The following FOXK2 variants were observed in gnomAD, a reference collection of about 807,000 sequenced individuals.
The protein encoded by FOXK2 is forkhead box K2, also known as forkhead box protein K2.
FOXK2 carries 24 observed loss-of-function variants against 53.3 expected under a neutral mutation model. The ratio of observed to expected loss-of-function variants is 0.45; its 90% CI spans 0.33 to 0.63. The LOEUF (loss-of-function observed/expected upper bound fraction) is 0.63, where lower values mean the gene tolerates loss of function less well. FOXK2 is among the 30% of genes least tolerant of loss of function. The pLI, the probability that FOXK2 is intolerant of heterozygous loss-of-function variation, is 0.03. For synonymous variants in FOXK2, 505 were observed against 407.1 expected (o/e 1.24, Z -2.89); for missense variants, 952 against 910.5 (o/e 1.05, Z -0.59).
rs1443122666 is a variant in FOXK2 at position 82,571,752 on chromosome 17, C to T, written c.791C>T (p.Ala264Val). 4 of 1,585,576 alleles carry T rather than the reference C, an allele frequency of 2.5e-6. No individual in the cohort carries two copies. Among genetic ancestry groups the T allele is most frequent in the Non-Finnish European group, 3.4e-6 (4 of 1,169,496 alleles). ...GATTCAAAGCCGCCTTACTCCTACGCGCAGCTGATAGTTCAGGCGATTACG... is the reference window on the plus strand; with the variant it reads ...GATTCAAAGCCGCCTTACTCCTACGTGCAGCTGATAGTTCAGGCGATTACG... ...KDDSKPPYSY[A>V]QLIVQAITMA... The change falls in exon 4 of 9, where the codon GCG becomes GTG. Residue 264 changes from alanine to valine, a missense_variant. By Grantham distance (64) the Ala-to-Val change is moderately conservative. Coordinates refer to ENST00000335255, the MANE Select transcript of FOXK2 (RefSeq NM_004514.4).
At position 82,586,354 on chromosome 17, in the gene FOXK2, G is replaced by A. The variant is rs868391096; in HGVS notation, c.1576+154G>A. On this transcript the variant is annotated intron_variant, in intron 7 of 8. Coordinates refer to ENST00000335255, the MANE Select transcript of FOXK2 (RefSeq NM_004514.4). Reference sequence around the variant, plus strand: ...GACCACAGGGAGGTCAAAGGTAGGCGGAGGGGAAAGGAGGAGAGGGGAGAC... The same window carrying A: ...GACCACAGGGAGGTCAAAGGTAGGCAGAGGGGAAAGGAGGAGAGGGGAGAC... Among the ~76,000 whole-genome samples, 225 of 38,836 alleles carry A rather than the reference G, an allele frequency of 5.8e-3. 9 individuals carry two copies. Among genetic ancestry groups the A allele is most frequent in the Middle Eastern group, 0.033 (1 of 30 alleles). The allele number at this position is 38,836 out of a possible 152,430, so 25.5% of individuals were successfully genotyped here. A position where few individuals can be genotyped will look rare whatever the true frequency, so the allele number is the denominator to read the frequency against.
chr17:82,536,623 T>C (rs2044523225), intron 1 of FOXK2, among the ~76,000 whole-genome samples: 1 of 152,218 alleles, frequency 6.6e-6, no homozygotes, highest in African/African-American at 2.4e-5. Context: ...GCCTGAGCCC[T>C]CCTTGAACTC....
At chr17:82,556,794 T>G (rs544204745) in intron 1 of FOXK2, among the ~76,000 whole-genome samples, 2 of 152,128 alleles carry the variant, frequency 1.3e-5, no homozygotes, top group African/African-American at 4.8e-5. Context: ...CCTCCTGGGT[T>G]CAAGCGATTC....
At chr17:82,556,265 GA>G (rs1192302719) in intron 1 of FOXK2, among the ~76,000 whole-genome samples, 2 of 152,004 alleles carry the variant, frequency 1.3e-5, no homozygotes, top group African/African-American at 4.8e-5. Flanking sequence ...ACAACATGGT[GA>G]AACCCCATCT....
At chr17:82,555,517 C>T (rs537831716) in intron 1 of FOXK2, among the ~76,000 whole-genome samples, 11 of 152,038 alleles carry the variant, frequency 7.2e-5, no homozygotes, top group Non-Finnish European at 1.5e-4. Flanking sequence ...TATCTTGTTT[C>T]GAATGTAACC....
At chr17:82,559,269 G>C (rs1342360793) in intron 1 of FOXK2, 2 of 430,608 alleles carry the variant, frequency 4.6e-6, no homozygotes, top group Non-Finnish European at 9.5e-6. Context: ...CTGAGCTTCA[G>C]TCTGAGGTTG....
chr17:82,539,545 A>G (rs1159525020), intron 1 of FOXK2, among the ~76,000 whole-genome samples: 1 of 152,120 alleles, frequency 6.6e-6, no homozygotes, highest in East Asian at 1.9e-4. Flanking sequence ...GCTACTTTGG[A>G]GGCTGAGGTG....
At chr17:82,549,873 C>G (rs1427509802) in intron 1 of FOXK2, among the ~76,000 whole-genome samples, 1 of 152,116 alleles carries the variant, frequency 6.6e-6, no homozygotes, top group African/African-American at 2.4e-5. Context: ...CATGTGGGGT[C>G]CAGTGCAGAA....
intron 8 of FOXK2, among the ~76,000 whole-genome samples, chr17:82,587,854 G>T (rs763543026): frequency 4.1e-4 from 63 of 152,344 alleles, no homozygotes; most frequent in Admixed American, 1.2e-3. Context: ...ATTGGGGCCT[G>T]GCTCAGGTGT....
chr17:82,586,922 T>G (rs2045183595), intron 7 of FOXK2, 141 bp from the exon 8 acceptor site: 1 of 783,074 alleles, frequency 1.3e-6, no homozygotes, highest in Non-Finnish European at 2.1e-6. Context: ...AAAGATTTGC[T>G]CATCTTTTTC....
intron 1 of FOXK2, among the ~76,000 whole-genome samples, chr17:82,550,675 G>C (rs943256646): frequency 2.0e-5 from 3 of 151,644 alleles, no homozygotes; most frequent in Non-Finnish European, 4.4e-5. Flanking sequence ...GCTAATTTTT[G>C]TTGTATTTTT....
intron 8 of FOXK2, among the ~76,000 whole-genome samples, chr17:82,592,620 C>T (rs143409468): frequency 3.6e-4 from 55 of 152,366 alleles, no homozygotes; most frequent in African/African-American, 1.2e-3. Flanking sequence ...CTGCCTTGAT[C>T]GTTTGCTCCC....
At chr17:82,570,451 C>A (rs998379362) in intron 3 of FOXK2, among the ~76,000 whole-genome samples, 2 of 152,160 alleles carry the variant, frequency 1.3e-5, no homozygotes, top group African/African-American at 4.8e-5. Flanking sequence ...CGTGATCACA[C>A]CACTGCACTC....
chr17:82,580,481 C>T (rs79121274), intron 4 of FOXK2, among the ~76,000 whole-genome samples: 1 of 45,608 alleles, frequency 2.2e-5, no homozygotes, highest in Non-Finnish European at 4.3e-5. Context: ...GCCCAGATCC[C>T]TCCCACACAT....
intron 6 of FOXK2, among the ~76,000 whole-genome samples, chr17:82,584,862 A>G (rs2045114541): frequency 1.3e-5 from 2 of 152,170 alleles, no homozygotes; most frequent in Non-Finnish European, 2.9e-5. Flanking sequence ...TAACATGTCC[A>G]TTTTAAGGAA....
At chr17:82,583,551 A>G (rs933287930) in intron 5 of FOXK2, among the ~76,000 whole-genome samples, 4 of 152,280 alleles carry the variant, frequency 2.6e-5, no homozygotes, top group Non-Finnish European at 4.4e-5. Flanking sequence ...CCGTCTCAAA[A>G]CAAAAATACA....
chr17:82,602,881 A>G lies in FOXK2; in HGVS notation c.*1382A>G, dbSNP rs964776714. 2.6e-5 allele frequency: 4 copies of G among 152,446 alleles called. No homozygotes were observed. Among genetic ancestry groups the G allele is most frequent in the Non-Finnish European group, 4.4e-5 (3 of 68,052 alleles). The allele number at this position is 152,446 out of a possible 1,614,324, so 9.4% of individuals were successfully genotyped here. ...TGAGCTTTTAAATGTCATCATCATA[A>G]CATTATTTATTTAAATGTAGTTATT... On this transcript the variant is annotated 3_prime_UTR_variant, in exon 9 of 9. Transcript: ENST00000335255.
intron 2 of FOXK2, among the ~76,000 whole-genome samples, chr17:82,563,902 C>T (rs1278763384): frequency 1.3e-5 from 2 of 149,932 alleles, no homozygotes; most frequent in African/African-American, 2.5e-5. Context: ...CAGGCGCCCA[C>T]CACCACGCCC....
chr17:82,584,145 A>C lies in FOXK2; in HGVS notation c.1236A>C (p.Lys412Asn). The C allele has an allele frequency of 6.2e-7, 1 of 1,609,708 alleles. No homozygotes were observed. The highest frequency in any genetic ancestry group is 8.5e-7 in the Non-Finnish European group (1 of 1,179,308). Residue 412 changes from lysine (K) to asparagine (N), a missense_variant, in exon 6 of 9, where the codon AAA (lysine) becomes AAC (asparagine). Lys to Asn is a moderately conservative substitution (Grantham distance 94). Transcript: ENST00000335255. ...CTGAGCCTGGCGCTGCACAGCCCAA[A>C]CTCGCTGTCATCCAGGAAGCCCGGT... is the stretch of plus-strand genomic sequence containing the variant. ...LEPEPGAAQP[K>N]LAVIQEARFA...
Sources: gnomAD v4.1 joint callset for allele counts (sites outside exome capture counted in the v4.1 genomes callset) on GRCh38, gnomAD v4.1.1 for gene constraint, MANE v1.5 for transcripts, NCBI Gene and HGNC (gene_info 2026-07-23, HGNC 2026-07-21) for gene names.